Variants in CNTNAP5 observed in about 807,000 individuals in gnomAD.
The protein encoded by CNTNAP5 is contactin-associated protein-like 5.
A neutral mutation model predicts 150.2 loss-of-function variants in CNTNAP5; 72 were observed. That is an observed-to-expected ratio of 0.48 (90% CI 0.40 to 0.58). The LOEUF (loss-of-function observed/expected upper bound fraction) is 0.58. Among genes scored for constraint, CNTNAP5 ranks in the 20% least tolerant of loss-of-function variants. The probability of loss-of-function intolerance (pLI) is 0.00; values close to 1 mark genes in which losing one functional copy is unlikely to be tolerated. For synonymous variants in CNTNAP5, 672 were observed against 619.8 expected (o/e 1.08, Z -1.25); for missense variants, 1,636 against 1,626.2 (o/e 1.01, Z -0.10).
intron 1 of CNTNAP5, among the ~76,000 whole-genome samples, chr2:124,195,284 A>T (rs1193970881): frequency 6.6e-6 from 1 of 152,168 alleles, no homozygotes; most frequent in Non-Finnish European, 1.5e-5. Context: ...ATCCTGGAGA[A>T]ATTCTCACAC....
At chr2:124,173,953 C>T (rs1031780934) in intron 1 of CNTNAP5, among the ~76,000 whole-genome samples, 38 of 152,164 alleles carry the variant, frequency 2.5e-4, no homozygotes, top group African/African-American at 8.9e-4. Flanking sequence ...AACCAATGCT[C>T]ATTTACCATT....
At chr2:124,609,433 T>G (rs1486564332) in intron 11 of CNTNAP5, among the ~76,000 whole-genome samples, 4 of 152,022 alleles carry the variant, frequency 2.6e-5, no homozygotes, top group Admixed American at 6.6e-5. Flanking sequence ...TATAAACATT[T>G]TTTTAAAAAA....
chr2:124,611,900 A>G (rs1161832055), intron 12 of CNTNAP5, among the ~76,000 whole-genome samples: 1 of 152,182 alleles, frequency 6.6e-6, no homozygotes, highest in African/African-American at 2.4e-5. Flanking sequence ...CATCCTCACA[A>G]CAAAAATCAG....
intron 1 of CNTNAP5, among the ~76,000 whole-genome samples, chr2:124,127,751 T>C (rs4456714): frequency 0.21 from 31,492 of 151,942 alleles, 3,582 homozygotes; most frequent in South Asian, 0.27. Flanking sequence ...TCAGAAATAA[T>C]ACCACACACC....
intron 1 of CNTNAP5, among the ~76,000 whole-genome samples, chr2:124,030,190 G>T (rs183046056): frequency 8.6e-4 from 131 of 152,036 alleles, no homozygotes; most frequent in African/African-American, 3.1e-3. Flanking sequence ...TTGCCTACTG[G>T]TCATTTTATT....
intron 1 of CNTNAP5, among the ~76,000 whole-genome samples, chr2:124,077,676 C>T (rs1682470553): frequency 6.6e-6 from 1 of 152,172 alleles, no homozygotes; most frequent in Admixed American, 6.5e-5. Context: ...GCCATCATGC[C>T]TGTGTTTAGG....
rs1685035245 is a variant in CNTNAP5, at chr2:124,175,313, C to A, written c.83-46392C>A. Among the ~76,000 whole-genome samples the A allele has an allele frequency of 4.6e-5, 7 of 152,256 alleles. No individual in the cohort carries two copies. The South Asian group carries it at 1.5e-3, about 32-fold the overall frequency. On this transcript the variant is annotated intron_variant, in intron 1 of 23. Transcript: ENST00000682447. ...CATTAATTTACATTATGATCTTTCC[C>A]TTGTCATTAAATGCTCCACAAAAGT... is the stretch of plus-strand genomic sequence containing the variant.
chr2:124,624,762 G>A (rs1317180908), intron 12 of CNTNAP5, among the ~76,000 whole-genome samples: 1 of 152,180 alleles, frequency 6.6e-6, no homozygotes, highest in Non-Finnish European at 1.5e-5. Context: ...AAAGGAAACA[G>A]GGGTTGAAAG....
intron 12 of CNTNAP5, among the ~76,000 whole-genome samples, chr2:124,643,352 A>G (rs1169476833): frequency 1.3e-5 from 2 of 152,210 alleles, no homozygotes. Flanking sequence ...ACTGGGTAGC[A>G]AAAAGTAGTA....
chr2:124,516,539 A>G (rs1308212367), intron 8 of CNTNAP5, among the ~76,000 whole-genome samples: 3 of 152,214 alleles, frequency 2.0e-5, no homozygotes, highest in African/African-American at 7.2e-5. Flanking sequence ...GCACTTGAGC[A>G]AGGAATAACA....
At chr2:124,674,609 A>G (rs1678899808) in intron 13 of CNTNAP5, among the ~76,000 whole-genome samples, 1 of 145,814 alleles carries the variant, frequency 6.9e-6, no homozygotes, top group African/African-American at 2.5e-5. Context: ...TTCTTCTTAA[A>G]TACAGGCATT....
chr2:124,743,870 A>C (rs1680552645), intron 13 of CNTNAP5, among the ~76,000 whole-genome samples: 1 of 152,178 alleles, frequency 6.6e-6, no homozygotes, highest in Non-Finnish European at 1.5e-5. Context: ...GATTCTAAAA[A>C]AATGCCCTGA....
chr2:124,906,146 A>G (rs1678531752), intron 22 of CNTNAP5, among the ~76,000 whole-genome samples: 1 of 152,190 alleles, frequency 6.6e-6, no homozygotes, highest in African/African-American at 2.4e-5. Context: ...AGACATCAAC[A>G]TGTATCAACA....
intron 3 of CNTNAP5, among the ~76,000 whole-genome samples, chr2:124,397,759 G>T (rs1381133551): frequency 2.6e-5 from 4 of 152,186 alleles, no homozygotes; most frequent in Non-Finnish European, 5.9e-5. Context: ...CGAAATAATG[G>T]TTGGAGGTGA....
intron 3 of CNTNAP5, among the ~76,000 whole-genome samples, chr2:124,400,328 CAGAG>C (rs1691373782): frequency 6.6e-6 from 1 of 151,972 alleles, no homozygotes; most frequent in African/African-American, 2.4e-5. Flanking sequence ...TAATGCAAGA[CAGAG>C]AGAAAGAGAA....
chr2:124,867,274 A>T (rs1355281250), intron 20 of CNTNAP5, among the ~76,000 whole-genome samples: 1 of 152,220 alleles, frequency 6.6e-6, no homozygotes, highest in African/African-American at 2.4e-5. Context: ...CCTTTCTCTT[A>T]TCTGACTTCT....
At chr2:124,268,567 TA>T in intron 3 of CNTNAP5, among the ~76,000 whole-genome samples, 1 of 152,322 alleles carries the variant, frequency 6.6e-6, no homozygotes, top group African/African-American at 2.4e-5. Flanking sequence ...CTACCAAACT[TA>T]AATAATTTGT....
intron 10 of CNTNAP5, among the ~76,000 whole-genome samples, chr2:124,530,697 A>G (rs141244076): frequency 6.6e-6 from 1 of 152,158 alleles, no homozygotes; most frequent in African/African-American, 2.4e-5. Flanking sequence ...CATGGGCAGG[A>G]TGGGAGAAGG....
At chr2:124,630,870 G>C (rs1247939421) in intron 12 of CNTNAP5, among the ~76,000 whole-genome samples, 2 of 152,144 alleles carry the variant, frequency 1.3e-5, no homozygotes. Context: ...AGCAACTTCA[G>C]CAAAGTCTTG....
Sources: gnomAD v4.1 joint callset for allele counts (sites outside exome capture counted in the v4.1 genomes callset) on GRCh38, gnomAD v4.1.1 for gene constraint, MANE v1.5 for transcripts, NCBI Gene and HGNC (gene_info 2026-07-23, HGNC 2026-07-21) for gene names.